The following PRSS36 variants were observed in gnomAD, a reference collection of about 807,000 sequenced individuals.
PRSS36 encodes serine protease 36.
A neutral mutation model predicts 94.3 loss-of-function variants in PRSS36; 90 were observed. The ratio of observed to expected loss-of-function variants is 0.95; its 90% CI spans 0.80 to 1.14. PRSS36 has a LOEUF of 1.14. Among genes scored for constraint, PRSS36 ranks in the 50% most tolerant of loss-of-function variants. The pLI, the probability that PRSS36 is intolerant of heterozygous loss-of-function variation, is 0.00. For synonymous variants in PRSS36, 500 were observed against 489.6 expected (o/e 1.02, Z -0.28); for missense variants, 1,158 against 1,135.0 (o/e 1.02, Z -0.29).
intron 14 of PRSS36, among the ~76,000 whole-genome samples, chr16:31,139,739 G>A (rs1185131502): frequency 6.6e-6 from 1 of 151,902 alleles, no homozygotes; most frequent in Non-Finnish European, 1.5e-5. Flanking sequence ...AATTAACCAG[G>A]TGTGGTGGTG....
chr16:31,142,363 C>T (rs2057711330), intron 10 of PRSS36, 118 bp downstream of exon 10: 4 of 1,201,934 alleles, frequency 3.3e-6, no homozygotes, highest in Non-Finnish European at 4.4e-6. Context: ...CTCGGACCCG[C>T]CTTCCGCAGG....
At chr16:31,149,574 T>TCCAACCC in intron 2 of PRSS36, 76 bp from the exon 3 acceptor site, 1 of 1,607,494 alleles carries the variant, frequency 6.2e-7, no homozygotes, top group Non-Finnish European at 8.5e-7. Context: ...CTTCCTGCTC[T>TCCAACCC]CCAACCCCCG....
At chr16:31,145,305 G>A (rs538607184) in intron 6 of PRSS36, among the ~76,000 whole-genome samples, 35 of 149,166 alleles carry the variant, frequency 2.3e-4, no homozygotes, top group South Asian at 6.4e-4. Context: ...CCCGGGAGGC[G>A]GAGGTTGCAG....
intron 7 of PRSS36, 49 bp downstream of exon 7, chr16:31,143,539 A>C (rs773348078): frequency 1.2e-6 from 2 of 1,609,728 alleles, no homozygotes; most frequent in Non-Finnish European, 1.7e-6. Flanking sequence ...TCTCCATCCC[A>C]ACTCACTCTC....
chr16:31,141,320 A>G, intron 12 of PRSS36, 149 bp downstream of exon 12: 1 of 1,013,350 alleles, frequency 9.9e-7, no homozygotes. Context: ...CCAAGGCAGG[A>G]GGATTGCTTG....
In PRSS36 at chr16:31,142,574, G is replaced by C. The variant is rs1337483743; in HGVS notation, c.1428C>G (p.Tyr476Ter). 2.0e-6 allele frequency: 3 copies of C among 1,524,990 alleles called. No homozygotes were observed. The highest frequency in any genetic ancestry group is 2.5e-5 in the East Asian group (1 of 40,072). The allele number at this position is 1,524,990 out of a possible 1,614,324, so 94.5% of individuals were successfully genotyped here. ...GCGGTACTGCCGCCCCCTGGCGGCC[G>C]TACAGGCAGTGGCACCACCAGCCGC... ...LLGGWWCHCL[Y>*]GRQGAAVPLP... The change falls in exon 10 of 15, where the codon TAC (tyrosine) becomes TAG (stop). Residue 476 changes from tyrosine (Y) to a stop codon, truncating the protein, a stop_gained. Transcript: ENST00000268281. LOFTEE classifies it high-confidence loss of function.
chr16:31,148,526 G>T lies in PRSS36; in HGVS notation c.422C>A (p.Ala141Asp). The change falls in exon 5 of 15, where the codon GCC (alanine) becomes GAC (aspartate). Residue 141 changes from alanine (A) to aspartate (D), a missense_variant. Coordinates refer to ENST00000268281, the MANE Select transcript of PRSS36 (RefSeq NM_173502.5). ...GGCGGGTGAGGCCAGGCGCAGCAGG[G>T]CCAGGTCGGCGCCCAGCTCCACTTG... ...YSQVELGADL[A>D]LLRLASPASL... 1 of 1,594,532 alleles carries T rather than the reference G, an allele frequency of 6.3e-7. No individual in the cohort carries two copies.
Position 31,148,466 on chromosome 16 carries a change from G to T in PRSS36, c.482C>A (p.Pro161His). ...LGPAVWPVCL[P>H]RASHRFVHGT... Reference sequence around the variant, plus strand: ...GTGCACGAAGCGGTGTGAGGCGCGGGGCAGGCAGACAGGCCACACGGCGGG... The same window carrying T: ...GTGCACGAAGCGGTGTGAGGCGCGGTGCAGGCAGACAGGCCACACGGCGGG... Residue 161 changes from proline (P) to histidine (H), a missense_variant, in exon 5 of 15, where the codon CCC becomes CAC. Transcript: ENST00000268281. 1 of 1,575,504 alleles carries T rather than the reference G, an allele frequency of 6.3e-7. No individual in the cohort carries two copies. Among genetic ancestry groups the T allele is most frequent in the Non-Finnish European group, 8.6e-7 (1 of 1,167,340 alleles).
chr16:31,146,033 G>C (rs1358425421), intron 5 of PRSS36, 78 bp from the exon 6 acceptor site: 2 of 1,417,766 alleles, frequency 1.4e-6, no homozygotes, highest in Non-Finnish European at 1.9e-6. Context: ...TTTGCCTCCT[G>C]CGGCTGCTTC....
chr16:31,143,485 G>A lies in PRSS36; in HGVS notation c.971-14C>T, dbSNP rs1300899219. The A allele has an allele frequency of 6.2e-7, 1 of 1,605,184 alleles. No homozygotes were observed. The highest frequency in any genetic ancestry group is 8.5e-7 in the Non-Finnish European group (1 of 1,175,052). ...CCTTCCCGCACTCTGAGGGGTGAGA[G>A]GCCTGGGTCAGTGGGCCTCCTGCAA... On this transcript the variant is annotated splice_polypyrimidine_tract_variant and intron_variant, in intron 7 of 14. Coordinates refer to ENST00000268281, the MANE Select transcript of PRSS36 (RefSeq NM_173502.5).
intron 10 of PRSS36, among the ~76,000 whole-genome samples, chr16:31,142,167 T>C (rs967759254): frequency 3.9e-5 from 6 of 152,182 alleles, no homozygotes; most frequent in African/African-American, 1.2e-4. Context: ...AGAGAAACCA[T>C]AGCACCAGCT....
Position 31,140,480 on chromosome 16 carries a change from CA to C in PRSS36, c.2167+11del. On this transcript the variant is annotated intron_variant, in intron 13 of 14. Coordinates refer to ENST00000268281, the MANE Select transcript of PRSS36 (RefSeq NM_173502.5). ...CCAGCTACTCCTCGTTCCCGTGACC[CA>C]GGGGTCTCACCTCGGTCCTGGGGTT... 6.3e-7 allele frequency: 1 copy of C among 1,591,978 alleles called. No individual in the cohort carries two copies. The highest frequency in any genetic ancestry group is 8.6e-7 in the Non-Finnish European group (1 of 1,168,386).
chr16:31,142,873 G>A lies in PRSS36; in HGVS notation c.1221C>T (p.Asn407=). The change falls in exon 9 of 15, where the codon AAC becomes AAT. Residue 407 remains asparagine (N), a synonymous_variant. Coordinates refer to ENST00000268281, the MANE Select transcript of PRSS36 (RefSeq NM_173502.5). ...LVQHENASWD[N]ASDLALLQLR... Reference sequence around the variant, plus strand: ...GCTGCAGCAGCGCCAGGTCCGAGGCGTTGTCCCACGAAGCGTTCTCGTGCT... The same window carrying A: ...GCTGCAGCAGCGCCAGGTCCGAGGCATTGTCCCACGAAGCGTTCTCGTGCT... 1.3e-6 allele frequency: 2 copies of A among 1,560,604 alleles called. No individual in the cohort carries two copies. Among genetic ancestry groups the A allele is most frequent in the Non-Finnish European group, 8.6e-7 (1 of 1,158,340 alleles).
At chr16:31,145,595 C>T (rs924117879) in intron 6 of PRSS36, among the ~76,000 whole-genome samples, 194 bp downstream of exon 6, 2 of 151,994 alleles carry the variant, frequency 1.3e-5, no homozygotes, top group Non-Finnish European at 2.9e-5. Flanking sequence ...GCCGAGATTG[C>T]GCCACTGCAG....
At chr16:31,149,835 C>T in intron 1 of PRSS36, 104 bp from the exon 2 acceptor site, 2 of 1,559,752 alleles carry the variant, frequency 1.3e-6, no homozygotes, top group Non-Finnish European at 1.8e-6. Flanking sequence ...CCCCAGGGCA[C>T]CCAGGCCTCC....
chr16:31,148,841 G>A, intron 4 of PRSS36, 166 bp from the exon 5 acceptor site: 1 of 1,007,744 alleles, frequency 9.9e-7, no homozygotes, highest in Non-Finnish European at 1.4e-6. Flanking sequence ...CTGGTGGTGG[G>A]GGGGTCATTG....
In PRSS36 at chr16:31,148,435, G is replaced by A. The variant is rs1437997684; in HGVS notation, c.513C>T (p.Thr171=). ...CTCCCCAGCCGGTGGCCCAGCAGGC[G>A]GTGCCGTGCACGAAGCGGTGTGAGG... ...PRASHRFVHG[T]ACWATGWGDV... Residue 171 remains threonine, a synonymous_variant, in exon 5 of 15, where the codon ACC becomes ACT. Coordinates refer to ENST00000268281, the MANE Select transcript of PRSS36 (RefSeq NM_173502.5). 2.0e-5 allele frequency: 32 copies of A among 1,573,230 alleles called. No homozygotes were observed. Among genetic ancestry groups the A allele is most frequent in the Non-Finnish European group, 2.7e-5 (31 of 1,167,640 alleles).
intron 1 of PRSS36, 33 bp downstream of exon 1, chr16:31,149,966 C>A: frequency 1.2e-6 from 2 of 1,611,386 alleles, no homozygotes; most frequent in African/African-American, 1.3e-5. Context: ...AGGACCCAGG[C>A]CCTTTGCAGC....
chr16:31,143,193 C>G, intron 8 of PRSS36, 149 bp downstream of exon 8: 1 of 1,381,696 alleles, frequency 7.2e-7, no homozygotes, highest in Non-Finnish European at 9.8e-7. Flanking sequence ...CCTGCCAGGC[C>G]AGGACCCCTC....
Sources: allele counts gnomAD v4.1 joint callset (sites outside exome capture counted in the v4.1 genomes callset), GRCh38; gene constraint gnomAD v4.1.1; transcripts MANE v1.5; gene names NCBI Gene and HGNC (gene_info 2026-07-23, HGNC 2026-07-21).